The following HIVEP2 variants were observed in gnomAD, a reference collection of about 807,000 sequenced individuals.
The protein encoded by HIVEP2 is HIVEP zinc finger 2, also known as transcription factor HIVEP2.
Under a neutral mutation model 180.7 loss-of-function variants are expected in HIVEP2, and 14 were observed. That is an observed-to-expected ratio of 0.08 (90% CI 0.05 to 0.12). HIVEP2 has a LOEUF of 0.12. Among genes scored for constraint, HIVEP2 ranks in the 10% least tolerant of loss-of-function variants. HIVEP2 has a pLI of 1.00. For missense variants in HIVEP2, 2,579 were observed against 3,008.5 expected, an observed-to-expected ratio of 0.86 and a Z score of 3.34; for synonymous variants, 1,184 against 1,136.4, an observed-to-expected ratio of 1.04 and a Z score of -0.84.
intron 6 of HIVEP2, among the ~76,000 whole-genome samples, chr6:142,765,182 A>T (rs1360919558): frequency 6.6e-6 from 1 of 152,206 alleles, no homozygotes; most frequent in East Asian, 1.9e-4. Flanking sequence ...ACAAAATGTA[A>T]TGCTCCATGG....
At chr6:142,830,393 T>C (rs1775047142) in intron 2 of HIVEP2, among the ~76,000 whole-genome samples, 1 of 152,164 alleles carries the variant, frequency 6.6e-6, no homozygotes, top group South Asian at 2.1e-4. Context: ...AAAAGATAGC[T>C]ATTTTTCCTG....
At chr6:142,833,515 C>T (rs1184332236) in intron 2 of HIVEP2, among the ~76,000 whole-genome samples, 1 of 152,162 alleles carries the variant, frequency 6.6e-6, no homozygotes, top group Non-Finnish European at 1.5e-5. Flanking sequence ...TTTCAGATGG[C>T]TGCAGCATGC....
intron 2 of HIVEP2, among the ~76,000 whole-genome samples, chr6:142,833,791 A>G (rs1775155297): frequency 6.6e-6 from 1 of 152,230 alleles, no homozygotes; most frequent in Admixed American, 6.5e-5. Context: ...AACAAAGGGC[A>G]GTCTTTGTAA....
At chr6:142,822,404 T>C (rs1777064768) in intron 2 of HIVEP2, among the ~76,000 whole-genome samples, 1 of 152,230 alleles carries the variant, frequency 6.6e-6, no homozygotes, top group Admixed American at 6.5e-5. Flanking sequence ...AGGTCTAATA[T>C]TCACCATAAT....
Position 142,771,870 on chromosome 6 carries a change from C to T in HIVEP2, c.2869G>A (p.Glu957Lys). The change falls in exon 5 of 10, where the codon GAA becomes AAA. Residue 957 changes from glutamate (E) to lysine (K), a missense_variant. Physicochemically the swap from Glu to Lys is moderately conservative, Grantham distance 56. Transcript: ENST00000367603. This position sits in a 1 kb window ranked among gnomAD's most constrained non-coding sequence, Gnocchi z 5.4. ...MEHSSGESSF[E>K]STGTGLSRSP... ...CGGGAGAGGCCTGTGCCTGTGGATT[C>T]AAAGCTGGACTCCCCTGAGGAGTGC... is the stretch of plus-strand genomic sequence containing the variant. 1 of 1,614,218 alleles carries T rather than the reference C, an allele frequency of 6.2e-7. No homozygotes were observed. Among genetic ancestry groups the T allele is most frequent in the Non-Finnish European group, 8.5e-7 (1 of 1,180,040 alleles).
intron 2 of HIVEP2, among the ~76,000 whole-genome samples, chr6:142,795,422 T>C (rs1377243178): frequency 6.6e-6 from 1 of 151,678 alleles, no homozygotes; most frequent in East Asian, 1.9e-4. Context: ...CAAACAAAAG[T>C]AGAGAAAAAT....
chr6:142,868,199 G>A (rs1776191481), intron 1 of HIVEP2, among the ~76,000 whole-genome samples: 1 of 152,140 alleles, frequency 6.6e-6, no homozygotes, highest in African/African-American at 2.4e-5. Context: ...AGGGTCAAGA[G>A]GGTAGCAGAC....
intron 2 of HIVEP2, among the ~76,000 whole-genome samples, chr6:142,822,108 C>A (rs961968186): frequency 6.6e-6 from 1 of 152,204 alleles, no homozygotes; most frequent in Non-Finnish European, 1.5e-5. Context: ...TTAATTCCGG[C>A]TCCACCATAT....
intron 7 of HIVEP2, 25 bp from the exon 8 acceptor site, chr6:142,761,590 G>C: frequency 7.7e-7 from 1 of 1,293,408 alleles, no homozygotes; most frequent in South Asian, 1.2e-5. Flanking sequence ...AAAAAAAAGA[G>C]AGAAATTAAT....
At chr6:142,944,398 T>C (rs1285149912) in intron 1 of HIVEP2, among the ~76,000 whole-genome samples, 4 of 117,814 alleles carry the variant, frequency 3.4e-5, no homozygotes, top group Non-Finnish European at 6.8e-5. Flanking sequence ...ACCCCACACA[T>C]GCACATCAGC....
intron 1 of HIVEP2, among the ~76,000 whole-genome samples, chr6:142,941,382 C>T (rs182540323): frequency 8.9e-4 from 135 of 152,370 alleles, no homozygotes; most frequent in Non-Finnish European, 1.5e-3. Context: ...TTTTCATAAG[C>T]ATTGCCATAA....
intron 2 of HIVEP2, among the ~76,000 whole-genome samples, chr6:142,831,706 T>G (rs1378426093): frequency 2.6e-5 from 4 of 152,224 alleles, no homozygotes; most frequent in Admixed American, 1.3e-4. Flanking sequence ...AGGTTTGTTC[T>G]GCTGTGTGGG....
chr6:142,902,793 T>G (rs997724199), intron 1 of HIVEP2, among the ~76,000 whole-genome samples: 1 of 152,212 alleles, frequency 6.6e-6, no homozygotes, highest in African/African-American at 2.4e-5. Context: ...CAGGAACTTC[T>G]GAGCACCCTA....
chr6:142,902,426 A>G (rs955991139), intron 1 of HIVEP2, among the ~76,000 whole-genome samples: 1 of 152,226 alleles, frequency 6.6e-6, no homozygotes, highest in African/African-American at 2.4e-5. Context: ...ATCATATTGT[A>G]TCTTGTGTCA....
intron 2 of HIVEP2, among the ~76,000 whole-genome samples, chr6:142,817,365 A>G (rs1279349349): frequency 6.6e-6 from 1 of 152,228 alleles, no homozygotes; most frequent in Non-Finnish European, 1.5e-5. Flanking sequence ...TATGCTGATC[A>G]TTTGATCTCA....
intron 1 of HIVEP2, among the ~76,000 whole-genome samples, chr6:142,842,851 T>A (rs1379049962): frequency 6.6e-6 from 1 of 152,182 alleles, no homozygotes; most frequent in Non-Finnish European, 1.5e-5. Context: ...ATCTGGTGGT[T>A]GTCTTGAATC....
chr6:142,858,219 C>G (rs762644115), intron 1 of HIVEP2, among the ~76,000 whole-genome samples: 2 of 152,114 alleles, frequency 1.3e-5, no homozygotes, highest in Non-Finnish European at 2.9e-5. Context: ...TCCTTTCTTT[C>G]AAGAGGAGTT....
At chr6:142,767,397 T>C (rs962475993) in intron 6 of HIVEP2, among the ~76,000 whole-genome samples, 1 of 152,202 alleles carries the variant, frequency 6.6e-6, no homozygotes, top group South Asian at 2.1e-4. Context: ...GACAACCAAA[T>C]AGAATAATCC....
At chr6:142,846,124 G>A (rs893097703) in intron 1 of HIVEP2, among the ~76,000 whole-genome samples, 10 of 152,196 alleles carry the variant, frequency 6.6e-5, no homozygotes, top group Non-Finnish European at 1.2e-4. Flanking sequence ...CTGGCCAGCC[G>A]CCAAAGACGC....
Sources: gnomAD v4.1 joint callset for allele counts (sites outside exome capture counted in the v4.1 genomes callset) on GRCh38, gnomAD v4.1.1 for gene constraint, Gnocchi (gnomAD v3.1) non-coding constraint, MANE v1.5 for transcripts, NCBI Gene and HGNC (gene_info 2026-07-23, HGNC 2026-07-21) for gene names.